The following PDE3A variants were observed in gnomAD, a reference collection of about 807,000 sequenced individuals.
The protein encoded by PDE3A is cGMP-inhibited 3',5'-cyclic phosphodiesterase 3A.
In PDE3A, 43 loss-of-function variants were observed where a neutral mutation model predicts 98.3. That is an observed-to-expected ratio of 0.44 (90% CI 0.34 to 0.56). The LOEUF is 0.56. Ranked by LOEUF, PDE3A falls within the 20% of genes least tolerant of loss-of-function variation. The pLI, the probability that PDE3A is intolerant of heterozygous loss-of-function variation, is 0.01. For synonymous variants in PDE3A, 663 were observed against 567.9 expected, an observed-to-expected ratio of 1.17 and a Z score of -2.38; for missense variants, 1,427 against 1,440.7, an observed-to-expected ratio of 0.99 and a Z score of 0.15.
At chr12:20,582,024 T>G (rs1420743435) in intron 2 of PDE3A, among the ~76,000 whole-genome samples, 1 of 152,026 alleles carries the variant, frequency 6.6e-6, no homozygotes, top group Non-Finnish European at 1.5e-5. Flanking sequence ...TGTATTGTGT[T>G]ATTTAGGTTG....
intron 1 of PDE3A, among the ~76,000 whole-genome samples, chr12:20,491,337 C>A (rs1278905596): frequency 6.6e-6 from 1 of 152,112 alleles, no homozygotes; most frequent in Admixed American, 6.6e-5. Context: ...AATAAGGGGA[C>A]GAACATTCGT....
Position 20,369,964 on chromosome 12 carries a change from T to C in PDE3A, c.680T>C (p.Ile227Thr), listed in dbSNP as rs1169699079. ...LTSAVRTVSL[I>T]SLERFKVAWR... ...AGCGCGGTCAGGACCGTGTCCCTCA[T>C]TTCCTTAGAGAGGTTCAAGGTCGCC... is the stretch of plus-strand genomic sequence containing the variant. The change falls in exon 1 of 16, where the codon ATT becomes ACT. Residue 227 changes from isoleucine to threonine, a missense_variant. Ile to Thr is a moderately conservative substitution (Grantham distance 89). Coordinates refer to ENST00000359062, the MANE Select transcript of PDE3A (RefSeq NM_000921.5). 4.3e-6 allele frequency: 7 copies of C among 1,613,432 alleles called. No individual in the cohort carries two copies. The East Asian group carries it at 1.6e-4, about 36-fold the overall frequency.
chr12:20,444,350 T>G (rs982759615), intron 1 of PDE3A, among the ~76,000 whole-genome samples: 4 of 152,166 alleles, frequency 2.6e-5, no homozygotes, highest in African/African-American at 7.2e-5. Context: ...TTTTCCTTTC[T>G]GACACTGAAT....
intron 1 of PDE3A, among the ~76,000 whole-genome samples, chr12:20,416,621 C>A (rs1290793982): frequency 1.3e-5 from 2 of 152,152 alleles, no homozygotes; most frequent in Non-Finnish European, 2.9e-5. Context: ...CAACTTAATT[C>A]TTCATTAGTG....
intron 15 of PDE3A, among the ~76,000 whole-genome samples, chr12:20,673,347 T>A (rs1300993354): frequency 1.6e-4 from 24 of 148,216 alleles, no homozygotes; most frequent in African/African-American, 6.0e-4. Flanking sequence ...ATCCCATTAC[T>A]GGGTATATAC....
intron 2 of PDE3A, among the ~76,000 whole-genome samples, chr12:20,601,769 T>C (rs1367646960): frequency 1.3e-5 from 2 of 152,044 alleles, no homozygotes; most frequent in African/African-American, 4.8e-5. Context: ...TTTTAGCTTT[T>C]TTTTTTGTTT....
At chr12:20,633,847 C>A in intron 7 of PDE3A, 69 bp downstream of exon 7, 1 of 891,246 alleles carries the variant, frequency 1.1e-6, no homozygotes. Flanking sequence ...CTGATCAAAA[C>A]AGTGATCTAC....
chr12:20,562,073 C>T (rs375923295), intron 2 of PDE3A, among the ~76,000 whole-genome samples: 13 of 152,114 alleles, frequency 8.5e-5, no homozygotes, highest in Non-Finnish European at 1.6e-4. Flanking sequence ...ACTCCTTTGT[C>T]TGGCAGTGTT....
chr12:20,504,677 C>T (rs1285701676), intron 1 of PDE3A, among the ~76,000 whole-genome samples: 2 of 151,938 alleles, frequency 1.3e-5, no homozygotes, highest in Non-Finnish European at 1.5e-5. Context: ...CCTTGGCTTG[C>T]GACCCTCTTT....
intron 1 of PDE3A, among the ~76,000 whole-genome samples, chr12:20,384,518 A>T (rs979017897): frequency 6.6e-6 from 1 of 151,890 alleles, no homozygotes; most frequent in Non-Finnish European, 1.5e-5. Flanking sequence ...TATCTTTTTT[A>T]AAAATTTTAA....
At chr12:20,441,972 T>G (rs897045569) in intron 1 of PDE3A, among the ~76,000 whole-genome samples, 5 of 152,206 alleles carry the variant, frequency 3.3e-5, no homozygotes, top group Admixed American at 1.3e-4. Context: ...GAAATCTCCT[T>G]GCTGTATTCT....
intron 1 of PDE3A, among the ~76,000 whole-genome samples, chr12:20,496,236 G>T (rs529388395): frequency 1.3e-5 from 2 of 152,288 alleles, no homozygotes; most frequent in East Asian, 3.9e-4. Context: ...TATGTTTGAT[G>T]TGTGGATGCA....
intron 1 of PDE3A, among the ~76,000 whole-genome samples, chr12:20,507,444 C>T (rs1185344547): frequency 6.6e-6 from 1 of 152,046 alleles, no homozygotes; most frequent in Non-Finnish European, 1.5e-5. Context: ...GAATGCTTTA[C>T]ATCCCTTGAT....
At chr12:20,388,023 G>A (rs535765974) in intron 1 of PDE3A, among the ~76,000 whole-genome samples, 13 of 152,010 alleles carry the variant, frequency 8.6e-5, no homozygotes, top group African/African-American at 1.7e-4. Flanking sequence ...CCCTCCACAC[G>A]TATTTTACAA....
At chr12:20,471,015 C>A (rs1053231416) in intron 1 of PDE3A, among the ~76,000 whole-genome samples, 4 of 152,014 alleles carry the variant, frequency 2.6e-5, no homozygotes, top group Admixed American at 2.6e-4. Context: ...CATTAGACAC[C>A]ATCCATGCTG....
intron 11 of PDE3A, 63 bp from the exon 12 acceptor site, chr12:20,646,688 G>C: frequency 7.0e-7 from 1 of 1,427,958 alleles, no homozygotes; most frequent in Non-Finnish European, 9.9e-7. Flanking sequence ...AAAGAAAGAA[G>C]TCAAGACAAA....
chr12:20,377,151 T>G (rs1943587527), intron 1 of PDE3A, among the ~76,000 whole-genome samples: 1 of 151,772 alleles, frequency 6.6e-6, no homozygotes, highest in African/African-American at 2.4e-5. Context: ...GGCAGAAAAT[T>G]GCTTTGGTTG....
intron 4 of PDE3A, among the ~76,000 whole-genome samples, chr12:20,620,049 C>A (rs113322801): frequency 2.6e-5 from 4 of 152,114 alleles, no homozygotes; most frequent in Admixed American, 6.6e-5. Flanking sequence ...CACATTAGCA[C>A]ATGTTCTGGT....
At position 20,386,699 on chromosome 12, in the gene PDE3A, T is replaced by G. The variant is rs190428152; in HGVS notation, c.960+16455T>G. 4.6e-5 allele frequency among the ~76,000 whole-genome samples: 7 copies of G among 152,110 alleles called. No homozygotes were observed. The East Asian group carries it at 1.4e-3, about 30-fold the overall frequency. ...GGATATTAGACCTTTGTCAGATGAA[T>G]AGATTGCAAAAATTTTCTCCCATTC... On this transcript the variant is annotated intron_variant, in intron 1 of 15. Transcript: ENST00000359062.
Sources: allele counts gnomAD v4.1 joint callset (sites outside exome capture counted in the v4.1 genomes callset), GRCh38; gene constraint gnomAD v4.1.1; transcripts MANE v1.5; gene names NCBI Gene and HGNC (gene_info 2026-07-23, HGNC 2026-07-21).